The following TIMP2 variants were observed in gnomAD, a reference collection of about 807,000 sequenced individuals.
TIMP2 encodes TIMP metallopeptidase inhibitor 2, also known as metalloproteinase inhibitor 2.
A neutral mutation model predicts 24.3 loss-of-function variants in TIMP2; 5 were observed. That is an observed-to-expected ratio of 0.21 (90% CI 0.11 to 0.43). TIMP2 has a LOEUF of 0.43. Among genes scored for constraint, TIMP2 ranks in the 20% least tolerant of loss-of-function variants. The probability of loss-of-function intolerance (pLI) is 1.00; values close to 1 mark genes in which losing one functional copy is unlikely to be tolerated. For synonymous variants in TIMP2, 130 were observed against 123.2 expected, an observed-to-expected ratio of 1.06 and a Z score of -0.37; for missense variants, 221 against 297.5, an observed-to-expected ratio of 0.74 and a Z score of 1.89.
At chr17:78,890,830 C>G in intron 1 of TIMP2, 1 of 1,550,594 alleles carries the variant, frequency 6.4e-7, no homozygotes, top group Non-Finnish European at 8.7e-7. Flanking sequence ...CCTGGGCTCT[C>G]GTGGAGGAGG....
intron 1 of TIMP2, among the ~76,000 whole-genome samples, chr17:78,880,049 G>A (rs369404765): frequency 3.3e-5 from 5 of 152,288 alleles, no homozygotes; most frequent in Admixed American, 6.5e-5. Context: ...TGCTGCTCTC[G>A]GAGGGGAGCA....
intron 3 of TIMP2, among the ~76,000 whole-genome samples, chr17:78,870,421 A>G (rs1395335652): frequency 2.9e-5 from 2 of 68,406 alleles, no homozygotes; most frequent in Non-Finnish European, 7.5e-5. Flanking sequence ...GTCTCAAAAA[A>G]AAAGAAAGAA....
In TIMP2 at chr17:78,891,157, T is replaced by C. The variant is rs2069886058; in HGVS notation, c.131-17238A>G. ...TAAATATACCTGCCTCGGGAGACAATGTTTGACTTCCATTTCTAAACGTGG... is the reference window on the plus strand; with the variant it reads ...TAAATATACCTGCCTCGGGAGACAACGTTTGACTTCCATTTCTAAACGTGG... On this transcript the variant is annotated intron_variant, in intron 1 of 4. Transcript: ENST00000262768. The surrounding 1 kb of genome is among the most constrained non-coding windows in gnomAD (Gnocchi z 4.5). 2 of 1,550,694 alleles carry C rather than the reference T, an allele frequency of 1.3e-6. No homozygotes were observed. The highest frequency in any genetic ancestry group is 2.4e-5 in the East Asian group (1 of 40,922).
chr17:78,866,538 C>T (rs556683750), intron 3 of TIMP2, among the ~76,000 whole-genome samples: 582 of 136,626 alleles, frequency 4.3e-3, no homozygotes, highest in Non-Finnish European at 7.4e-3. Context: ...AATTCCACTG[C>T]CAGGGATACA....
chr17:78,880,322 A>G (rs1478079100), intron 1 of TIMP2, among the ~76,000 whole-genome samples: 1 of 152,118 alleles, frequency 6.6e-6, no homozygotes, highest in Non-Finnish European at 1.5e-5. Flanking sequence ...CAGAAGTACT[A>G]TGGAAGTTCC....
intron 1 of TIMP2, among the ~76,000 whole-genome samples, chr17:78,875,843 G>A (rs1168483190): frequency 6.6e-6 from 1 of 152,150 alleles, no homozygotes; most frequent in East Asian, 1.9e-4. Context: ...CCATCCCCCT[G>A]GGCCCCACCA....
At chr17:78,871,085 T>C in intron 2 of TIMP2, 79 bp from the exon 3 acceptor site, 1 of 1,218,888 alleles carries the variant, frequency 8.2e-7, no homozygotes, top group Admixed American at 1.9e-5. Flanking sequence ...CAGAACACCC[T>C]GGGCGGCACA....
intron 1 of TIMP2, among the ~76,000 whole-genome samples, chr17:78,883,568 C>T (rs1429949686): frequency 6.6e-6 from 1 of 152,206 alleles, no homozygotes; most frequent in Non-Finnish European, 1.5e-5. Context: ...GCCGGGGCCA[C>T]ACCGCCTGCC....
chr17:78,877,865 G>A (rs960903345), intron 1 of TIMP2, among the ~76,000 whole-genome samples: 3 of 151,834 alleles, frequency 2.0e-5, no homozygotes, highest in Admixed American at 1.3e-4. Flanking sequence ...CACCATGCCC[G>A]GCTAATTTTT....
At chr17:78,861,344 C>T (rs2069565670) in intron 3 of TIMP2, among the ~76,000 whole-genome samples, 1 of 152,200 alleles carries the variant, frequency 6.6e-6, no homozygotes, top group South Asian at 2.1e-4. Flanking sequence ...ATTTGCCTTT[C>T]TTCTGCATCT....
chr17:78,890,022 G>C (rs1176887724), intron 1 of TIMP2, among the ~76,000 whole-genome samples: 1 of 152,122 alleles, frequency 6.6e-6, no homozygotes, highest in African/African-American at 2.4e-5. Flanking sequence ...GGGAGGCTGA[G>C]GCAGGAGAAT....
At chr17:78,893,405 G>GTGTGCGCGTGGAGGTA (rs139652180) in intron 1 of TIMP2, among the ~76,000 whole-genome samples, 1 of 128,298 alleles carries the variant, frequency 7.8e-6, no homozygotes. Context: ...ATGCAGGGGT[G>GTGTGCGCGTGGAGGTA]TGTGTGCATA....
Position 78,924,862 on chromosome 17 carries a change from T to C in TIMP2, c.130+97A>G. 1 of 764,618 alleles carries C rather than the reference T, an allele frequency of 1.3e-6. No homozygotes were observed. Among genetic ancestry groups the C allele is most frequent in the Non-Finnish European group, 1.7e-6 (1 of 600,998 alleles). 47.4% of individuals were successfully genotyped at this position (764,618 alleles called of 1,614,324 possible). A position where few individuals can be genotyped will look rare whatever the true frequency, so the allele number is the denominator to read the frequency against. On this transcript the variant is annotated intron_variant, in intron 1 of 4. Coordinates refer to ENST00000262768, the MANE Select transcript of TIMP2 (RefSeq NM_003255.5). This position sits in a 1 kb window ranked among gnomAD's most constrained non-coding sequence, Gnocchi z 5.3. ...AGGGACCAGGAGGCGGGCGCTGGGG[T>C]CCCTCGGCCAGCGGCGGGCGGGCGG...
At chr17:78,875,567 G>T (rs919698843) in intron 1 of TIMP2, among the ~76,000 whole-genome samples, 2 of 152,128 alleles carry the variant, frequency 1.3e-5, no homozygotes, top group Non-Finnish European at 2.9e-5. Flanking sequence ...CCATTAGTTG[G>T]TGACATGGTC....
intron 1 of TIMP2, among the ~76,000 whole-genome samples, chr17:78,917,386 C>T (rs1175026630): frequency 1.3e-5 from 2 of 152,164 alleles, no homozygotes; most frequent in Non-Finnish European, 2.9e-5. Flanking sequence ...GCCAAGATCG[C>T]ACCACTGCAT....
chr17:78,890,575 C>T (rs1567999098), intron 1 of TIMP2: 14 of 1,482,066 alleles, frequency 9.4e-6, no homozygotes, highest in East Asian at 2.5e-5. Context: ...CTTAGAGACC[C>T]GGGTACCAGT....
At chr17:78,901,993 A>G in intron 1 of TIMP2, 5 of 583,954 alleles carry the variant, frequency 8.6e-6, no homozygotes, top group South Asian at 2.1e-5. Context: ...CGTTTCTCTG[A>G]GTTCTAGCCT....
At chr17:78,916,673 A>C (rs1403468835) in intron 1 of TIMP2, among the ~76,000 whole-genome samples, 1 of 151,922 alleles carries the variant, frequency 6.6e-6, no homozygotes. Flanking sequence ...CCTCAGTGTC[A>C]TCCCCCTCCT....
intron 1 of TIMP2, among the ~76,000 whole-genome samples, chr17:78,886,266 A>G (rs2069824374): frequency 6.6e-6 from 1 of 152,164 alleles, no homozygotes. Context: ...CCTAGAACAC[A>G]TGGGTCACAA....
Sources: allele counts gnomAD v4.1 joint callset (sites outside exome capture counted in the v4.1 genomes callset), GRCh38; gene constraint gnomAD v4.1.1; non-coding constraint Gnocchi (gnomAD v3.1); transcripts MANE v1.5; gene names NCBI Gene and HGNC (gene_info 2026-07-23, HGNC 2026-07-21).